QSOX1: variants seen among roughly 807,000 people sequenced by gnomAD.
The protein encoded by QSOX1 is quiescin sulfhydryl oxidase 1.
In QSOX1, 40 loss-of-function variants were observed where a neutral mutation model predicts 76.1. That is an observed-to-expected ratio of 0.53 (90% confidence interval 0.41 to 0.68). The LOEUF (loss-of-function observed/expected upper bound fraction) is 0.68, where lower values mean the gene tolerates loss of function less well. Ranked by LOEUF, QSOX1 falls within the 30% of genes least tolerant of loss-of-function variation. QSOX1 has a pLI of 0.00. For missense variants in QSOX1, 931 were observed against 974.3 expected, an observed-to-expected ratio of 0.96 and a Z score of 0.59; for synonymous variants, 392 against 413.1, an observed-to-expected ratio of 0.95 and a Z score of 0.62.
intron 10 of QSOX1, 24 bp from the exon 11 acceptor site, chr1:180,194,189 C>T (rs371038206): frequency 6.5e-5 from 103 of 1,591,302 alleles, no homozygotes; most frequent in African/African-American, 1.1e-4. Flanking sequence ...AGGGCTGGTG[C>T]GTGGCATCTC....
In QSOX1 at chr1:180,190,470, G is replaced by T. The variant is rs746764395; in HGVS notation, c.1178G>T (p.Cys393Phe). ...GCCAAGAAGGTGAACTGGATTGGCT[G>T]CCAGGGGAGTGAGCCGCATTTCCGG... The part of the protein sequence containing the change: ...VLAKKVNWIG[C>F]QGSEPHFRGF... The change falls in exon 10 of 12, where the codon TGC (cysteine) becomes TTC (phenylalanine). Residue 393 changes from cysteine to phenylalanine, a missense_variant. Physicochemically the swap from Cys to Phe is radical, Grantham distance 205. Coordinates refer to ENST00000367602, the MANE Select transcript of QSOX1 (RefSeq NM_002826.5). 11 of 1,614,040 alleles carry T rather than the reference G, an allele frequency of 6.8e-6. No homozygotes were observed. The South Asian group carries it at 1.2e-4, about 18-fold the overall frequency.
intron 1 of QSOX1, among the ~76,000 whole-genome samples, chr1:180,165,494 C>T (rs1572039570): frequency 1.3e-5 from 2 of 152,270 alleles, no homozygotes; most frequent in African/African-American, 2.4e-5. Context: ...TCCTCCTCCA[C>T]CTTGCTCAGG....
chr1:180,181,803 C>A (rs1028864992), intron 5 of QSOX1, among the ~76,000 whole-genome samples: 1 of 152,162 alleles, frequency 6.6e-6, no homozygotes, highest in South Asian at 2.1e-4. Flanking sequence ...AAGACAAGAA[C>A]GTGCTGGCTC....
At position 180,168,979 on chromosome 1, in the gene QSOX1, A is replaced by ACAGG. The variant is rs1159696420; in HGVS notation, c.366+2390_366+2393dup. On this transcript the variant is annotated intron_variant, in intron 2 of 11. Coordinates refer to ENST00000367602, the MANE Select transcript of QSOX1 (RefSeq NM_002826.5). Reference sequence around the variant, plus strand: ...AGAGAGTGCTTTTGGTATGATGGGGACAGGCCCACACACAAGTCTGGCCTC... The same window carrying ACAGG: ...AGAGAGTGCTTTTGGTATGATGGGGACAGGCAGGCCCACACACAAGTCTGGCCTC... Among the ~76,000 whole-genome samples, 3 of 152,228 alleles carry ACAGG rather than the reference A, an allele frequency of 2.0e-5. No individual in the cohort carries two copies. In the East Asian group the frequency reaches 5.8e-4, roughly 29 times the overall value.
intron 11 of QSOX1, among the ~76,000 whole-genome samples, chr1:180,195,001 G>GC (rs371582361): frequency 6.7e-6 from 1 of 149,092 alleles, no homozygotes; most frequent in Non-Finnish European, 1.5e-5. Flanking sequence ...CCTCCCGGGG[G>GC]GGGGAGACCA....
rs539887686 is a variant in QSOX1, at chr1:180,156,141, A to G, written c.265+969A>G. On this transcript the variant is annotated intron_variant, in intron 1 of 11. Transcript: ENST00000367602. ...AGTAATTAATATTTACGGAGCACCTATCATTTCAGGCACCTTACTAAGTAC... is the reference window on the plus strand; with the variant it reads ...AGTAATTAATATTTACGGAGCACCTGTCATTTCAGGCACCTTACTAAGTAC... Among the ~76,000 whole-genome samples the G allele has an allele frequency of 1.2e-4, 19 of 152,360 alleles. No homozygotes were observed. In the South Asian group the frequency reaches 3.7e-3, roughly 30 times the overall value.
At chr1:180,178,699 C>A in intron 4 of QSOX1, 95 bp from the exon 5 acceptor site, 2 of 1,121,982 alleles carry the variant, frequency 1.8e-6, no homozygotes, top group South Asian at 1.3e-5. Flanking sequence ...GATGGCCATA[C>A]CTGCAGCACT....
intron 11 of QSOX1, among the ~76,000 whole-genome samples, chr1:180,194,998 G>GA (rs1553275515): frequency 2.0e-5 from 3 of 147,016 alleles, no homozygotes; most frequent in East Asian, 1.9e-4. Flanking sequence ...CAGCCTCCCG[G>GA]GGGGGGGAGA....
At position 180,202,740 on chromosome 1, in the gene QSOX1, T is replaced by C. The variant is rs1663660453; in HGVS notation, c.*5703T>C. 6.9e-6 allele frequency: 1 copy of C among 145,634 alleles called. No individual in the cohort carries two copies. The highest frequency in any genetic ancestry group is 2.1e-4 in the South Asian group (1 of 4,670). 9.0% of individuals were successfully genotyped at this position (145,634 alleles called of 1,614,324 possible). On this transcript the variant is annotated 3_prime_UTR_variant, in exon 12 of 12. Transcript: ENST00000367602. Reference sequence around the variant, plus strand: ...ACTGTTTTTGAAAGCATGAAAACAATGGAAAATGCAACTGATGTGAGTAAT... The same window carrying C: ...ACTGTTTTTGAAAGCATGAAAACAACGGAAAATGCAACTGATGTGAGTAAT...
chr1:180,175,267 C>T (rs1447344904), intron 2 of QSOX1, 54 bp from the exon 3 acceptor site: 2 of 1,566,932 alleles, frequency 1.3e-6, no homozygotes, highest in East Asian at 4.5e-5. Flanking sequence ...GCCTGCGTGG[C>T]TGCACTCTTG....
chr1:180,196,924 A>G lies in QSOX1; in HGVS notation c.2131A>G (p.Ser711Gly), dbSNP rs1468272104. 6.3e-7 allele frequency: 1 copy of G among 1,598,022 alleles called. No homozygotes were observed. Among genetic ancestry groups the G allele is most frequent in the East Asian group, 2.2e-5 (1 of 44,580 alleles). ...LGGGFSYLDI[S>G]LCVGLYSLSF... ...AGGGGGCTTCTCTTACCTGGACATC[A>G]GCCTCTGTGTGGGGCTCTATTCCCT... The change falls in exon 12 of 12, where the codon AGC (serine) becomes GGC (glycine). Residue 711 changes from serine (S) to glycine (G), a missense_variant. Transcript: ENST00000367602. The surrounding 1 kb of genome is among the most constrained non-coding windows in gnomAD (Gnocchi z 4.1).
intron 8 of QSOX1, among the ~76,000 whole-genome samples, chr1:180,187,594 T>TG (rs2149240678): frequency 6.6e-6 from 1 of 152,358 alleles, no homozygotes; most frequent in East Asian, 1.9e-4. Flanking sequence ...TTGTCCCCAG[T>TG]GGGGCTGTTT....
rs1290949305 is a variant in QSOX1, at chr1:180,199,852, G to C, written c.*2815G>C. Reference sequence around the variant, plus strand: ...GTAGGTGTAGAGGGACTACAGCCCTGAGGGGCTGCTCCATGCGGCATTCTT... The same window carrying C: ...GTAGGTGTAGAGGGACTACAGCCCTCAGGGGCTGCTCCATGCGGCATTCTT... On this transcript the variant is annotated 3_prime_UTR_variant, in exon 12 of 12. Coordinates refer to ENST00000367602, the MANE Select transcript of QSOX1 (RefSeq NM_002826.5). The C allele has an allele frequency of 6.6e-6, 1 of 151,940 alleles. No individual in the cohort carries two copies. Among genetic ancestry groups the C allele is most frequent in the Non-Finnish European group, 1.5e-5 (1 of 68,004 alleles). 9.4% of individuals were successfully genotyped at this position (151,940 alleles called of 1,614,324 possible). A position where few individuals can be genotyped will look rare whatever the true frequency, so the allele number is the denominator to read the frequency against.
chr1:180,175,225 G>A (rs891414737), intron 2 of QSOX1, 96 bp from the exon 3 acceptor site: 10 of 1,092,902 alleles, frequency 9.1e-6, no homozygotes, highest in African/African-American at 6.2e-5. Flanking sequence ...CCCAGCCACC[G>A]CATTGAATAA....
Position 180,201,498 on chromosome 1 carries a change from G to A in QSOX1, c.*4461G>A, listed in dbSNP as rs1334568999. 2.6e-5 allele frequency: 4 copies of A among 152,278 alleles called. No homozygotes were observed. The highest frequency in any genetic ancestry group is 9.7e-5 in the African/African-American group (4 of 41,434). The allele number at this position is 152,278 out of a possible 1,614,324, so 9.4% of individuals were successfully genotyped here. On this transcript the variant is annotated 3_prime_UTR_variant, in exon 12 of 12. Coordinates refer to ENST00000367602, the MANE Select transcript of QSOX1 (RefSeq NM_002826.5). ...ACCCCTCCCTCCACCACCTCTGAAA[G>A]GTGCTCCTTGGGCAGGGCGATAGGA...
chr1:180,194,530 C>A, intron 11 of QSOX1, 138 bp downstream of exon 11: 1 of 763,170 alleles, frequency 1.3e-6, no homozygotes, highest in Non-Finnish European at 2.0e-6. Context: ...TTAACCAATG[C>A]CAGTATCATC....
chr1:180,194,999 G>GA lies in QSOX1; in HGVS notation c.1468+607_1468+608insA, dbSNP rs558398985. Among the ~76,000 whole-genome samples the GA allele has an allele frequency of 6.0e-4, 90 of 150,428 alleles. 2 individuals carry two copies. In the East Asian group the frequency reaches 0.016, roughly 27 times the overall value. On this transcript the variant is annotated intron_variant, in intron 11 of 11. Transcript: ENST00000367602. ...GCACGTGGCTGTGACAGCCTCCCGGGGGGGGGAGACCAGGGCGGAGCCGAG... is the reference window on the plus strand; with the variant it reads ...GCACGTGGCTGTGACAGCCTCCCGGGAGGGGGGAGACCAGGGCGGAGCCGAG...
chr1:180,162,185 A>T (rs1015011550), intron 1 of QSOX1, among the ~76,000 whole-genome samples: 1 of 152,242 alleles, frequency 6.6e-6, no homozygotes, highest in African/African-American at 2.4e-5. Context: ...TTTTGGGGAT[A>T]CACCTTAATA....
chr1:180,168,148 G>T (rs1662674213), intron 2 of QSOX1, among the ~76,000 whole-genome samples: 1 of 152,260 alleles, frequency 6.6e-6, no homozygotes, highest in Admixed American at 6.5e-5. Flanking sequence ...CAGGGATGAA[G>T]GAGGCGGCCT....
Sources: gnomAD v4.1 joint callset for allele counts (sites outside exome capture counted in the v4.1 genomes callset) on GRCh38, gnomAD v4.1.1 for gene constraint, Gnocchi (gnomAD v3.1) non-coding constraint, MANE v1.5 for transcripts, NCBI Gene and HGNC (gene_info 2026-07-23, HGNC 2026-07-21) for gene names.